Variants in ATAD1 observed in about 807,000 individuals in gnomAD.
ATAD1 encodes the protein ATPase family AAA domain containing 1.
Under a neutral mutation model 42.7 loss-of-function variants are expected in ATAD1, and 18 were observed. The ratio of observed to expected loss-of-function variants is 0.42; its 90% CI spans 0.29 to 0.63. The LOEUF (loss-of-function observed/expected upper bound fraction) is 0.63, where lower values mean the gene tolerates loss of function less well. Among genes scored for constraint, ATAD1 ranks in the 20% least tolerant of loss-of-function variants. ATAD1 has a pLI of 0.19. For missense variants in ATAD1, 294 were observed against 440.4 expected (o/e 0.67, Z 2.98); for synonymous variants, 132 against 143.1 (o/e 0.92, Z 0.55).
rs1857324547 is a variant in ATAD1 at position 87,814,487 on chromosome 10, A to G, written c.113T>C (p.Val38Ala). 1 of 1,606,906 alleles carries G rather than the reference A, an allele frequency of 6.2e-7. No individual in the cohort carries two copies. Among genetic ancestry groups the G allele is most frequent in the Admixed American group, 1.7e-5 (1 of 58,960 alleles). Residue 38 changes from valine (V) to alanine (A), a missense_variant, in exon 2 of 10, where the codon GTA (valine) becomes GCA (alanine). This residue lies in a region of ATAD1 where 121 missense variants were observed against 187.3 expected (regional missense o/e 0.65). Coordinates refer to ENST00000680024, the MANE Select transcript of ATAD1 (RefSeq NM_001321967.2). ...CTTTCTGGTTGGATCAATTGCATCT[A>G]CCATCCATTTGATAGTAAAGTATGT... Reference protein sequence around the residue: ...AVTYFTIKWMVDAIDPTRKQK... With the variant: ...AVTYFTIKWMADAIDPTRKQK...
At chr10:87,756,512 T>C (rs1032910108) in intron 9 of ATAD1, among the ~76,000 whole-genome samples, 1 of 152,188 alleles carries the variant, frequency 6.6e-6, no homozygotes, top group Non-Finnish European at 1.5e-5. Flanking sequence ...ACATGGGAAA[T>C]TTCCCCTCAC....
chr10:87,784,800 T>C (rs1855748931), intron 4 of ATAD1, 130 bp from the exon 5 acceptor site: 1 of 810,596 alleles, frequency 1.2e-6, no homozygotes, highest in Non-Finnish European at 1.9e-6. Context: ...TTTAATCTTG[T>C]TTATAGTAGG....
intron 1 of ATAD1, among the ~76,000 whole-genome samples, chr10:87,834,603 C>T (rs773060912): frequency 6.6e-6 from 1 of 152,012 alleles, no homozygotes; most frequent in Non-Finnish European, 1.5e-5. Context: ...TTTAGAATAC[C>T]ATTGCATTTG....
At chr10:87,810,605 C>G (rs940040379) in intron 2 of ATAD1, among the ~76,000 whole-genome samples, 3 of 152,122 alleles carry the variant, frequency 2.0e-5, no homozygotes, top group African/African-American at 7.2e-5. Context: ...CAAACATTTT[C>G]TCCAATATCT....
chr10:87,834,141 C>G (rs191401010), intron 1 of ATAD1, among the ~76,000 whole-genome samples: 1 of 152,094 alleles, frequency 6.6e-6, no homozygotes, highest in Non-Finnish European at 1.5e-5. Flanking sequence ...TCAAGATAAA[C>G]CTCATTTTGG....
Position 87,754,894 on chromosome 10 carries a change from A to C in ATAD1, c.966-87T>G, listed in dbSNP as rs1362974016. 59 of 1,473,474 alleles carry C rather than the reference A, an allele frequency of 4.0e-5. No individual in the cohort carries two copies. The East Asian group carries it at 1.4e-3, about 35-fold the overall frequency. 91.3% of individuals were successfully genotyped at this position (1,473,474 alleles called of 1,614,324 possible). On this transcript the variant is annotated intron_variant, in intron 9 of 9. Coordinates refer to ENST00000680024, the MANE Select transcript of ATAD1 (RefSeq NM_001321967.2). ...TTTTACCAAGATTTAAAAGAGATGCATGTGGTAAAAAAAAAATTTTGTTTT... is the reference window on the plus strand; with the variant it reads ...TTTTACCAAGATTTAAAAGAGATGCCTGTGGTAAAAAAAAAATTTTGTTTT...
At chr10:87,837,230 T>C (rs185900547) in intron 1 of ATAD1, among the ~76,000 whole-genome samples, 1 of 152,208 alleles carries the variant, frequency 6.6e-6, no homozygotes, top group Non-Finnish European at 1.5e-5. Context: ...CCCAGACATT[T>C]AATATATTAT....
Position 87,814,571 on chromosome 10 carries a change from G to C in ATAD1, c.29C>G (p.Pro10Arg). Residue 10 changes from proline (P) to arginine (R), a missense_variant, in exon 2 of 10, where the codon CCT becomes CGT. Pro to Arg is a moderately radical substitution (Grantham distance 103, BLOSUM62 -2). Coordinates refer to ENST00000680024, the MANE Select transcript of ATAD1 (RefSeq NM_001321967.2). MVHAEAFSR[P>R]LSRNEVVGLI... ...ACCAACAACTTCATTCCGACTCAAA[G>C]GACGAGAAAAGGCTTCAGCATGTAC... is the stretch of plus-strand genomic sequence containing the variant. The C allele has an allele frequency of 6.2e-7, 1 of 1,610,418 alleles. No individual in the cohort carries two copies. Among genetic ancestry groups the C allele is most frequent in the Non-Finnish European group, 8.5e-7 (1 of 1,178,458 alleles).
At chr10:87,779,688 T>C (rs1855478583) in intron 5 of ATAD1, among the ~76,000 whole-genome samples, 1 of 152,192 alleles carries the variant, frequency 6.6e-6, no homozygotes, top group Admixed American at 6.5e-5. Flanking sequence ...TCAACAAAGA[T>C]ACACAGATGA....
At chr10:87,765,262 A>C (rs1854685755) in intron 8 of ATAD1, among the ~76,000 whole-genome samples, 1 of 152,154 alleles carries the variant, frequency 6.6e-6, no homozygotes. Flanking sequence ...AGGTTCATTC[A>C]CTATCAGAAT....
At chr10:87,775,668 A>C (rs1403150595) in intron 6 of ATAD1, among the ~76,000 whole-genome samples, 1 of 152,142 alleles carries the variant, frequency 6.6e-6, no homozygotes, top group Non-Finnish European at 1.5e-5. Flanking sequence ...GCCAAAAACT[A>C]AATGAAAACT....
At chr10:87,817,812 C>T in intron 1 of ATAD1, 1 of 985,488 alleles carries the variant, frequency 1.0e-6, no homozygotes, top group Non-Finnish European at 1.2e-6. Context: ...ATTCCAGCCG[C>T]CTTCGTCTAG....
intron 3 of ATAD1, among the ~76,000 whole-genome samples, chr10:87,792,140 G>C (rs1856153873): frequency 6.6e-6 from 1 of 152,206 alleles, no homozygotes. Context: ...CCCTTGGCTG[G>C]CATGTGGGAA....
At chr10:87,778,178 TAAAAA>T (rs377243162) in intron 5 of ATAD1, among the ~76,000 whole-genome samples, 3 of 88,760 alleles carry the variant, frequency 3.4e-5, no homozygotes, top group Admixed American at 1.3e-4. Context: ...TAGAATAAAT[TAAAAA>T]AAAAAAAAAA....
In ATAD1 at chr10:87,810,386, T is replaced by C. The variant is rs114234210; in HGVS notation, c.162+4052A>G. 2.0e-3 allele frequency among the ~76,000 whole-genome samples: 310 copies of C among 152,216 alleles called. 1 individual carries two copies. The highest frequency in any genetic ancestry group is 7.0e-3 in the African/African-American group (290 of 41,524). On this transcript the variant is annotated intron_variant, in intron 2 of 9. Transcript: ENST00000680024. Reference sequence around the variant, plus strand: ...CACAATATACTATACATGTCCATTTTTTATTTAAATCTTCTATATCCTTAA... The same window carrying C: ...CACAATATACTATACATGTCCATTTCTTATTTAAATCTTCTATATCCTTAA...
At chr10:87,763,180 T>C (rs1854578156) in intron 8 of ATAD1, among the ~76,000 whole-genome samples, 1 of 151,580 alleles carries the variant, frequency 6.6e-6, no homozygotes, top group Non-Finnish European at 1.5e-5. Context: ...ATTTTAGGAA[T>C]TTCTCTGAAA....
At chr10:87,791,874 T>C (rs1160683841) in intron 3 of ATAD1, among the ~76,000 whole-genome samples, 4 of 152,188 alleles carry the variant, frequency 2.6e-5, no homozygotes, top group Non-Finnish European at 5.9e-5. Context: ...ATGAGGGAAC[T>C]GAGACTCAAA....
At chr10:87,787,456 A>G (rs1855893175) in intron 4 of ATAD1, among the ~76,000 whole-genome samples, 1 of 152,182 alleles carries the variant, frequency 6.6e-6, no homozygotes, top group Non-Finnish European at 1.5e-5. Flanking sequence ...TGTCTCTACA[A>G]AAAATTAAAA....
intron 2 of ATAD1, among the ~76,000 whole-genome samples, chr10:87,797,059 C>T (rs1031755824): frequency 6.6e-6 from 1 of 152,186 alleles, no homozygotes. Flanking sequence ...GAGCAGTCTT[C>T]AGCCTGAGAC....
Sources: gnomAD v4.1 joint callset for allele counts (sites outside exome capture counted in the v4.1 genomes callset) on GRCh38, gnomAD v4.1.1 for gene constraint, gnomAD v4.1.1 regional missense constraint, MANE v1.5 for transcripts, NCBI Gene and HGNC (gene_info 2026-07-23, HGNC 2026-07-21) for gene names.